ELK4: variants seen among roughly 807,000 people sequenced by gnomAD.
ELK4 encodes the protein ETS domain-containing protein Elk-4.
Under a neutral mutation model 29.6 loss-of-function variants are expected in ELK4, and 16 were observed. The ratio of observed to expected loss-of-function variants is 0.54; its 90% CI spans 0.37 to 0.82. The LOEUF is 0.82. Ranked by LOEUF, ELK4 falls within the 40% of genes least tolerant of loss-of-function variation. The pLI, the probability that ELK4 is intolerant of heterozygous loss-of-function variation, is 0.00. For synonymous variants in ELK4, 213 were observed against 191.1 expected (o/e 1.11, Z -0.95); for missense variants, 465 against 507.1 (o/e 0.92, Z 0.80).
chr1:205,617,982 T>TGA (rs1466394902), intron 4 of ELK4, among the ~76,000 whole-genome samples: 5 of 135,652 alleles, frequency 3.7e-5, no homozygotes, highest in African/African-American at 1.4e-4. Flanking sequence ...TGTGTGTGTG[T>TGA]GTGAGAGAGA....
chr1:205,622,626 C>T (rs1444599556), intron 2 of ELK4, among the ~76,000 whole-genome samples: 1 of 152,186 alleles, frequency 6.6e-6, no homozygotes, highest in Non-Finnish European at 1.5e-5. Flanking sequence ...TCAAGTGATC[C>T]TCCTGCTGCA....
chr1:205,631,523 C>A, intron 1 of ELK4, 109 bp downstream of exon 1: 1 of 150,518 alleles, frequency 6.6e-6, no homozygotes, highest in Non-Finnish European at 1.5e-5. Context: ...CCCCGGCCCC[C>A]GCCCCCACTT....
intron 1 of ELK4, among the ~76,000 whole-genome samples, chr1:205,629,087 C>T (rs924394028): frequency 3.4e-5 from 5 of 147,450 alleles, no homozygotes; most frequent in African/African-American, 1.0e-4. Context: ...GGCAGAATGG[C>T]GTGAACCCGA....
rs1670134149 is a variant in ELK4, at chr1:205,610,382, C to T, written c.*6164G>A. 4.3e-6 allele frequency: 1 copy of T among 231,060 alleles called. No individual in the cohort carries two copies. The highest frequency in any genetic ancestry group is 8.6e-6 in the Non-Finnish European group (1 of 116,780). The allele number at this position is 231,060 out of a possible 1,614,324, so 14.3% of individuals were successfully genotyped here. A position where few individuals can be genotyped will look rare whatever the true frequency, so the allele number is the denominator to read the frequency against. ...TTAGGCCACAATACCAGCATTCCTC[C>T]ACTACTGTATTCAATCCATGGTCGA... On this transcript the variant is annotated 3_prime_UTR_variant, in exon 5 of 5. Transcript: ENST00000357992.
In ELK4 at chr1:205,612,899, T is replaced by C. The variant is rs748337964; in HGVS notation, c.*3647A>G. 2.5e-5 allele frequency: 5 copies of C among 203,140 alleles called. No individual in the cohort carries two copies. The highest frequency in any genetic ancestry group is 1.9e-4 in the South Asian group (1 of 5,238). The allele number at this position is 203,140 out of a possible 1,614,324, so 12.6% of individuals were successfully genotyped here. On this transcript the variant is annotated 3_prime_UTR_variant, in exon 5 of 5. Coordinates refer to ENST00000357992, the MANE Select transcript of ELK4 (RefSeq NM_001973.4). ...AGTTAAAAAAAATCCAGTAGCCTAATAGAGGCTCATAGGTTTACTGTCCCT... is the reference window on the plus strand; with the variant it reads ...AGTTAAAAAAAATCCAGTAGCCTAACAGAGGCTCATAGGTTTACTGTCCCT...
At position 205,620,176 on chromosome 1, in the gene ELK4, C is replaced by T. The variant is rs367842003; in HGVS notation, c.870G>A (p.Met290Ile). Residue 290 changes from methionine to isoleucine, a missense_variant, in exon 3 of 5, where the codon ATG becomes ATA. Transcript: ENST00000357992. ...CCAGTGACAAATTCTCTGGAAGTTC[C>T]ATTGGCTGAGAAGCCACTGAATCAA... ...TDIDSVASQP[M>I]ELPENLSLEP... is the part of the protein sequence containing the mutation. 3.6e-5 allele frequency: 58 copies of T among 1,614,096 alleles called. No homozygotes were observed. Among genetic ancestry groups the T allele is most frequent in the Non-Finnish European group, 4.7e-5 (56 of 1,180,044 alleles).
At chr1:205,618,006 A>ACT (rs1670264851) in intron 4 of ELK4, among the ~76,000 whole-genome samples, 2 of 63,430 alleles carry the variant, frequency 3.2e-5, no homozygotes, top group Admixed American at 3.9e-4. Flanking sequence ...AGAGCAAGAG[A>ACT]GAGAGAGAGA....
At position 205,620,042 on chromosome 1, in the gene ELK4, C is replaced by G; in HGVS notation, c.1004G>C (p.Ser335Thr). ...TATTCCCAGTGGGCTTGGATCACTG[C>G]TCGTGATCACAAGGGTGGGTGCCAG... ...LELAPTLVIT[S>T]SDPSPLGILS... is the part of the protein sequence containing the mutation. The change falls in exon 3 of 5, where the codon AGC becomes ACC. Residue 335 changes from serine (S) to threonine (T), a missense_variant. Ser to Thr is a moderately conservative substitution (Grantham distance 58). Coordinates refer to ENST00000357992, the MANE Select transcript of ELK4 (RefSeq NM_001973.4). 1 of 1,614,208 alleles carries G rather than the reference C, an allele frequency of 6.2e-7. No individual in the cohort carries two copies. Among genetic ancestry groups the G allele is most frequent in the Non-Finnish European group, 8.5e-7 (1 of 1,180,040 alleles).
At position 205,614,100 on chromosome 1, in the gene ELK4, T is replaced by C. The variant is rs770062846; in HGVS notation, c.*2446A>G. 8.9e-5 allele frequency: 20 copies of C among 223,808 alleles called. No homozygotes were observed. Among genetic ancestry groups the C allele is most frequent in the South Asian group, 7.3e-4 (4 of 5,444 alleles). 13.9% of individuals were successfully genotyped at this position (223,808 alleles called of 1,614,324 possible). A position where few individuals can be genotyped will look rare whatever the true frequency, so the allele number is the denominator to read the frequency against. On this transcript the variant is annotated 3_prime_UTR_variant, in exon 5 of 5. Transcript: ENST00000357992. ...TCCAAATTAGTTGATCTCAAAGAGATAGCAGATCACCAATCTGTGACAGCC... is the reference window on the plus strand; with the variant it reads ...TCCAAATTAGTTGATCTCAAAGAGACAGCAGATCACCAATCTGTGACAGCC...
At position 205,623,844 on chromosome 1, in the gene ELK4, C is replaced by G. The variant is rs147053192; in HGVS notation, c.39G>C (p.Gln13His). The G allele has an allele frequency of 6.9e-5, 112 of 1,614,038 alleles. No homozygotes were observed. The highest frequency in any genetic ancestry group is 9.3e-5 in the Non-Finnish European group (110 of 1,180,042). Residue 13 changes from glutamine (Q) to histidine (H), a missense_variant, in exon 2 of 5, where the codon CAG becomes CAC. Physicochemically the swap from Gln to His is conservative, Grantham distance 24. Coordinates refer to ENST00000357992, the MANE Select transcript of ELK4 (RefSeq NM_001973.4). ...SAITLWQFLL[Q>H]LLQKPQNKHM... ...GCTTGTTCTGAGGCTTCTGCAGGAG[C>G]TGAAGAAGGAACTGCCACAGGGTGA...
Position 205,616,597 on chromosome 1 carries a change from C to T in ELK4, c.1245G>A (p.Leu415=), listed in dbSNP as rs774185884. 1 of 1,614,120 alleles carries T rather than the reference C, an allele frequency of 6.2e-7. No homozygotes were observed. The highest frequency in any genetic ancestry group is 1.1e-5 in the South Asian group (1 of 91,080). The part of the protein sequence containing the change: ...NSHGPFTLSG[L]DGPSTPGPFS... ...ATGGGCCAGGGGTGGAAGGTCCATC[C>T]AGCCCAGACAGAGTGAATGGCCCAT... is the stretch of plus-strand genomic sequence containing the variant. Residue 415 remains leucine (L), a synonymous_variant, in exon 5 of 5, where the codon CTG becomes CTA. Transcript: ENST00000357992.
In ELK4 at chr1:205,609,183, G is replaced by T. The variant is rs1670115957; in HGVS notation, c.*7363C>A. 1 of 187,764 alleles carries T rather than the reference G, an allele frequency of 5.3e-6. No homozygotes were observed. Among genetic ancestry groups the T allele is most frequent in the African/African-American group, 2.3e-5 (1 of 42,694 alleles). 11.6% of individuals were successfully genotyped at this position (187,764 alleles called of 1,614,324 possible). A position where few individuals can be genotyped will look rare whatever the true frequency, so the allele number is the denominator to read the frequency against. On this transcript the variant is annotated 3_prime_UTR_variant, in exon 5 of 5. Coordinates refer to ENST00000357992, the MANE Select transcript of ELK4 (RefSeq NM_001973.4). Reference sequence around the variant, plus strand: ...GTCTTCTTTAAAGAAGATCGAGTAGGGCTCATGAAAAATTATTGGTTTGTT... The same window carrying T: ...GTCTTCTTTAAAGAAGATCGAGTAGTGCTCATGAAAAATTATTGGTTTGTT...
intron 1 of ELK4, among the ~76,000 whole-genome samples, chr1:205,630,806 AAATATTG>A (rs1670567814): frequency 6.6e-6 from 1 of 152,204 alleles, no homozygotes; most frequent in Non-Finnish European, 1.5e-5. Context: ...TGCCAAACCT[AAATATTG>A]AAGCACCAAG....
Position 205,614,863 on chromosome 1 carries a change from TG to T in ELK4, c.*1682del. 1 of 225,808 alleles carries T rather than the reference TG, an allele frequency of 4.4e-6. No individual in the cohort carries two copies. Among genetic ancestry groups the T allele is most frequent in the Non-Finnish European group, 8.8e-6 (1 of 113,452 alleles). The allele number at this position is 225,808 out of a possible 1,614,324, so 14.0% of individuals were successfully genotyped here. A position where few individuals can be genotyped will look rare whatever the true frequency, so the allele number is the denominator to read the frequency against. ...GATTGGTGGGGGAGGGTGGTAGTGGTGGTGAATGGTGACAACATATAATTTA... is the reference window on the plus strand; with the variant it reads ...GATTGGTGGGGGAGGGTGGTAGTGGTGTGAATGGTGACAACATATAATTTA... On this transcript the variant is annotated 3_prime_UTR_variant, in exon 5 of 5. Transcript: ENST00000357992.
rs538948007 is a variant in ELK4 at position 205,612,701 on chromosome 1, A to T, written c.*3845T>A. 4.8e-6 allele frequency: 1 copy of T among 209,760 alleles called. No individual in the cohort carries two copies. The highest frequency in any genetic ancestry group is 2.3e-5 in the African/African-American group (1 of 44,024). The allele number at this position is 209,760 out of a possible 1,614,324, so 13.0% of individuals were successfully genotyped here. On this transcript the variant is annotated 3_prime_UTR_variant, in exon 5 of 5. Transcript: ENST00000357992. ...AATCATAGTAGAAAGTCAGATCAGG[A>T]TGAAACAATGTTGTCAGACTGGACG...
chr1:205,621,193 TAAAAAAA>T (rs61338827), intron 2 of ELK4, among the ~76,000 whole-genome samples: 2,445 of 77,428 alleles, frequency 0.032, 95 homozygotes, highest in African/African-American at 0.11. Flanking sequence ...GAGTCTGTCT[TAAAAAAA>T]AAAAAAAAAA....
chr1:205,621,305 T>A (rs1378154801), intron 2 of ELK4, among the ~76,000 whole-genome samples: 3 of 148,660 alleles, frequency 2.0e-5, no homozygotes, highest in Non-Finnish European at 3.0e-5. Flanking sequence ...CATCTAGCCA[T>A]ACCAAACACA....
At chr1:205,618,008 A>G (rs72749002) in intron 4 of ELK4, among the ~76,000 whole-genome samples, 1 of 84,016 alleles carries the variant, frequency 1.2e-5, no homozygotes, top group Non-Finnish European at 2.8e-5. Context: ...AGCAAGAGAG[A>G]GAGAGAGAGT....
At position 205,631,777 on chromosome 1, in the gene ELK4, G is replaced by A; in HGVS notation, c.-155C>T. The A allele has an allele frequency of 1.0e-5, 2 of 198,618 alleles. No homozygotes were observed. The highest frequency in any genetic ancestry group is 7.1e-5 in the South Asian group (1 of 13,994). The allele number at this position is 198,618 out of a possible 1,614,324, so 12.3% of individuals were successfully genotyped here. On this transcript the variant is annotated 5_prime_UTR_variant, in exon 1 of 5. Coordinates refer to ENST00000357992, the MANE Select transcript of ELK4 (RefSeq NM_001973.4). Reference sequence around the variant, plus strand: ...GGCGGAGCCGTAGAAGGCGGCGGCGGCCAAGCCGAGCCCGCCGGGTGCCCG... The same window carrying A: ...GGCGGAGCCGTAGAAGGCGGCGGCGACCAAGCCGAGCCCGCCGGGTGCCCG...
Sources: gnomAD v4.1 joint callset for allele counts (sites outside exome capture counted in the v4.1 genomes callset) on GRCh38, gnomAD v4.1.1 for gene constraint, MANE v1.5 for transcripts, NCBI Gene and HGNC (gene_info 2026-07-23, HGNC 2026-07-21) for gene names.